Variants in CACNA1F observed in about 807,000 individuals in gnomAD.
CACNA1F encodes the protein calcium voltage-gated channel subunit alpha1 F.
A neutral mutation model predicts 143.8 loss-of-function variants in CACNA1F; 59 were observed. That is an observed-to-expected ratio of 0.41 (90% CI 0.33 to 0.51). The LOEUF (loss-of-function observed/expected upper bound fraction) is 0.51, where lower values mean the gene tolerates loss of function less well. Among genes scored for constraint, CACNA1F ranks in the 20% least tolerant of loss-of-function variants. CACNA1F has a pLI of 0.22. For missense variants in CACNA1F, 1,411 were observed against 1,647.5 expected (o/e 0.86, Z 2.48); for synonymous variants, 643 against 649.1 (o/e 0.99, Z 0.14).
At chrX:49,215,028 G>C in intron 29 of CACNA1F, 58 bp downstream of exon 29, 1 of 1,077,331 alleles carries the variant, frequency 9.3e-7, no homozygotes, top group Non-Finnish European at 1.3e-6. Flanking sequence ...GTTCCCAAGG[G>C]ATTATGTGGA....
chrX:49,224,677 G>A, intron 14 of CACNA1F, 84 bp downstream of exon 14: 1 of 617,731 alleles, frequency 1.6e-6, no homozygotes, highest in East Asian at 3.6e-5. Flanking sequence ...GAATGGTGAA[G>A]CAGATGAAGT....
chrX:49,213,877 G>A lies in CACNA1F; in HGVS notation c.3734C>T (p.Thr1245Met). Residue 1245 changes from threonine to methionine, a missense_variant, in exon 31 of 48, where the codon ACG becomes ATG. Thr to Met is a moderately conservative substitution (Grantham distance 81). Transcript: ENST00000323022. ...PKHYFTDAWNTFDALIVVGSI... is the reference protein window; with the variant it reads ...PKHYFTDAWNMFDALIVVGSI... ...GCCCACCACAATAAGAGCGTCAAAC[G>A]TGTTCCAGGCATCAGTGAAGTAATG... is the stretch of plus-strand genomic sequence containing the variant. 1.3e-5 allele frequency: 16 copies of A among 1,201,125 alleles called. No homozygotes were observed. The highest frequency in any genetic ancestry group is 1.8e-5 in the Non-Finnish European group (16 of 886,053).
rs1248192343 is a variant in CACNA1F at position 49,219,372 on chromosome X, A to G, written c.2622T>C (p.Ser874=). The G allele has an allele frequency of 7.5e-6, 9 of 1,205,780 alleles. No homozygotes were observed. Among genetic ancestry groups the G allele is most frequent in the African/African-American group, 7.0e-5 (4 of 56,880 alleles). The change falls in exon 21 of 48, where the codon AGT becomes AGC. Residue 874 remains serine, a synonymous_variant. Transcript: ENST00000323022. ...TGGGGTCCTCAGCGGCCAGGGACACACTGCTGAGGATGATGAACACCAGGA... is the reference window on the plus strand; with the variant it reads ...TGGGGTCCTCAGCGGCCAGGGACACGCTGCTGAGGATGATGAACACCAGGA... The part of the protein sequence containing the change: ...NLILVFIILS[S]VSLAAEDPIR...
intron 7 of CACNA1F, 23 bp from the exon 8 acceptor site, chrX:49,228,162 T>G: frequency 8.5e-7 from 1 of 1,179,402 alleles, no homozygotes; most frequent in Non-Finnish European, 1.2e-6. Context: ...AAGGCATGCA[T>G]CCCTCAGGGT....
Position 49,205,820 on chromosome X carries a change from C to T in CACNA1F, c.5473-7G>A. On this transcript the variant is annotated splice_region_variant and splice_polypyrimidine_tract_variant and intron_variant, in intron 46 of 47. Transcript: ENST00000323022. Reference sequence around the variant, plus strand: ...GTGGTGTTGCCCAGGAACCCTGAGCCAGAATAAACATCAGAGGGGCAGGGA... The same window carrying T: ...GTGGTGTTGCCCAGGAACCCTGAGCTAGAATAAACATCAGAGGGGCAGGGA... The T allele has an allele frequency of 8.4e-7, 1 of 1,190,740 alleles. No individual in the cohort carries two copies. Among genetic ancestry groups the T allele is most frequent in the Non-Finnish European group, 1.1e-6 (1 of 883,272 alleles).
At chrX:49,214,306 C>A in intron 29 of CACNA1F, 37 bp from the exon 30 acceptor site, 1 of 858,941 alleles carries the variant, frequency 1.2e-6, no homozygotes, top group Middle Eastern at 2.7e-4. Flanking sequence ...GAGCCTGAGG[C>A]AGAGATGCCG....
intron 14 of CACNA1F, among the ~76,000 whole-genome samples, chrX:49,223,512 T>C (rs2065793209): frequency 1.1e-5 from 1 of 92,673 alleles, no homozygotes; most frequent in Non-Finnish European, 2.1e-5. Flanking sequence ...GGCAGAAGAA[T>C]GGCGTGAACC....
intron 4 of CACNA1F, 100 bp from the exon 5 acceptor site, chrX:49,230,709 A>G (rs2065869318): frequency 9.2e-7 from 1 of 1,088,260 alleles, no homozygotes; most frequent in African/African-American, 1.8e-5. Context: ...GTAACTAGAA[A>G]TAGAAATGGG....
intron 15 of CACNA1F, 33 bp downstream of exon 15, chrX:49,222,896 C>T (rs190737136): frequency 1.8e-5 from 22 of 1,194,737 alleles, no homozygotes; most frequent in East Asian, 8.9e-5. Flanking sequence ...AGGGTCTCCC[C>T]GACCCACCCA....
In CACNA1F at chrX:49,209,953, G is replaced by T; in HGVS notation, c.4678C>A (p.Pro1560Thr). ...MKQKLLDEVIPPPDEEEVTVG... is the reference protein window; with the variant it reads ...MKQKLLDEVITPPDEEEVTVG... ...GGGGATAGCTCACCGTCTGGTGGGG[G>T]GATGACCTCATCTAGCAGCTTCTGT... The change falls in exon 40 of 48, where the codon CCC becomes ACC. Residue 1560 changes from proline (P) to threonine (T), a missense_variant. Physicochemically the swap from Pro to Thr is conservative, Grantham distance 38. This residue lies in a region of CACNA1F where 349 missense variants were observed against 350.2 expected (regional missense o/e 1.00). Transcript: ENST00000323022. 8.3e-7 allele frequency: 1 copy of T among 1,200,654 alleles called. No homozygotes were observed. Among genetic ancestry groups the T allele is most frequent in the East Asian group, 3.0e-5 (1 of 33,792 alleles).
chrX:49,214,208 C>T lies in CACNA1F; in HGVS notation c.3659G>A (p.Gly1220Asp). The change falls in exon 30 of 48, where the codon GGC becomes GAC. Residue 1220 changes from glycine (G) to aspartate (D), a missense_variant. Gly to Asp is a moderately conservative substitution (Grantham distance 94, BLOSUM62 -1). Coordinates refer to ENST00000323022, the MANE Select transcript of CACNA1F (RefSeq NM_001256789.3). ...AMDILNMVFT[G>D]LFTIEMVLKI... Reference sequence around the variant, plus strand: ...GAGCACCATCTCAATAGTGAAGAGGCCAGTGAAGACCATGTTGAGGATGTC... The same window carrying T: ...GAGCACCATCTCAATAGTGAAGAGGTCAGTGAAGACCATGTTGAGGATGTC... 8.3e-7 allele frequency: 1 copy of T among 1,203,812 alleles called. No individual in the cohort carries two copies. The highest frequency in any genetic ancestry group is 1.1e-6 in the Non-Finnish European group (1 of 888,059).
intron 29 of CACNA1F, 100 bp downstream of exon 29, chrX:49,214,986 T>G: frequency 2.6e-6 from 2 of 782,846 alleles, no homozygotes; most frequent in East Asian, 3.2e-5. Flanking sequence ...TGGCAGGGGG[T>G]TTGTTATTTG....
intron 47 of CACNA1F, 59 bp from the exon 48 acceptor site, chrX:49,205,426 T>C (rs1261440374): frequency 1.1e-6 from 1 of 929,933 alleles, no homozygotes; most frequent in Admixed American, 2.6e-5. Context: ...GAAGGTTCAG[T>C]GTGGATAAAT....
intron 10 of CACNA1F, 26 bp downstream of exon 10, chrX:49,226,584 C>A (rs1557109998): frequency 4.3e-6 from 5 of 1,166,560 alleles, no homozygotes; most frequent in Non-Finnish European, 5.7e-6. Context: ...CTACCCACCC[C>A]CACCCCAGCC....
Position 49,230,454 on chromosome X carries a change from A to T in CACNA1F, c.664+13T>A, listed in dbSNP as rs1557111053. On this transcript the variant is annotated intron_variant, in intron 5 of 47. Coordinates refer to ENST00000323022, the MANE Select transcript of CACNA1F (RefSeq NM_001256789.3). ...CACCCTCCACCTCCGACCTCGGGGG[A>T]TGTGCCACTCACTCGGGACCCCAGA... 7 of 1,202,403 alleles carry T rather than the reference A, an allele frequency of 5.8e-6. No homozygotes were observed. The South Asian group carries it at 1.3e-4, about 22-fold the overall frequency.
At chrX:49,218,080 A>G in intron 24 of CACNA1F, 75 bp from the exon 25 acceptor site, 1 of 758,158 alleles carries the variant, frequency 1.3e-6, no homozygotes, top group Non-Finnish European at 2.0e-6. Context: ...CTGGTCATAG[A>G]TGCAGCTGAG....
rs1557108046 is a variant in CACNA1F, at chrX:49,218,627, A to G, written c.2840+2T>C. The G allele has an allele frequency of 1.7e-6, 2 of 1,195,943 alleles. No individual in the cohort carries two copies. The highest frequency in any genetic ancestry group is 1.1e-6 in the Non-Finnish European group (1 of 884,361). Reference sequence around the variant, plus strand: ...GGGGTGGGCTGGGGATCTGTCACTTACTGGATGCCAAAGGAGATGAGGGAC... The same window carrying G: ...GGGGTGGGCTGGGGATCTGTCACTTGCTGGATGCCAAAGGAGATGAGGGAC... On this transcript the variant is annotated splice_donor_variant, in intron 23 of 47. Transcript: ENST00000323022. LOFTEE classifies it high-confidence loss of function.
rs1557111506 is a variant in CACNA1F, at chrX:49,231,943, G to A, written c.26-16C>T. 3.4e-6 allele frequency: 4 copies of A among 1,166,236 alleles called. No individual in the cohort carries two copies. The South Asian group carries it at 7.6e-5, about 22-fold the overall frequency. ...GGGGTGGTGTCTATATGGAGAAACTGTGTCAGGGAGGGACAGGGTATTGGG... is the reference window on the plus strand; with the variant it reads ...GGGGTGGTGTCTATATGGAGAAACTATGTCAGGGAGGGACAGGGTATTGGG... On this transcript the variant is annotated splice_polypyrimidine_tract_variant and intron_variant, in intron 1 of 47. Transcript: ENST00000323022.
At chrX:49,206,132 C>T (rs2065593072) in intron 46 of CACNA1F, among the ~76,000 whole-genome samples, 1 of 110,596 alleles carries the variant, frequency 9.0e-6, no homozygotes. Context: ...GTGGCTTATG[C>T]CTGTAATCCC....
Sources: gnomAD v4.1 joint callset for allele counts (sites outside exome capture counted in the v4.1 genomes callset) on GRCh38, gnomAD v4.1.1 for gene constraint, gnomAD v4.1.1 regional missense constraint, MANE v1.5 for transcripts, NCBI Gene and HGNC (gene_info 2026-07-23, HGNC 2026-07-21) for gene names.